Variants in DHRSX observed in about 807,000 individuals in gnomAD.
The protein encoded by DHRSX is dehydrogenase/reductase X-linked, also known as polyprenol dehydrogenase.
A neutral mutation model predicts 34.0 loss-of-function variants in DHRSX; 31 were observed. That is an observed-to-expected ratio of 0.91 (90% CI 0.69 to 1.23). DHRSX has a LOEUF of 1.23. Among genes scored for constraint, DHRSX ranks in the 50% most tolerant of loss-of-function variants. The pLI is 0.00. For missense variants in DHRSX, 414 were observed against 428.1 expected (o/e 0.97, Z 0.29); for synonymous variants, 201 against 183.8 (o/e 1.09, Z -0.76).
intron 5 of DHRSX, among the ~76,000 whole-genome samples, chrX:2,245,465 C>G (rs1393408653): frequency 1.3e-5 from 2 of 151,742 alleles, no homozygotes; most frequent in Admixed American, 6.6e-5. Flanking sequence ...CCCGCCACCA[C>G]GCCCGGCTAA....
chrX:2,483,289 T>C (rs573585249), intron 1 of DHRSX, among the ~76,000 whole-genome samples: 2 of 151,794 alleles, frequency 1.3e-5, no homozygotes, highest in Admixed American at 1.3e-4. Context: ...AGAGGCAGCA[T>C]CTCTTGCTTT....
chrX:2,398,897 G>C (rs758457859), intron 3 of DHRSX, among the ~76,000 whole-genome samples: 1 of 152,010 alleles, frequency 6.6e-6, no homozygotes, highest in Non-Finnish European at 1.5e-5. Flanking sequence ...CTGTCGCCCA[G>C]GCTGGAGTGC....
At chrX:2,222,441 A>G (rs2015541696) in intron 6 of DHRSX, among the ~76,000 whole-genome samples, 2 of 152,184 alleles carry the variant, frequency 1.3e-5, no homozygotes, top group South Asian at 2.1e-4. Context: ...CAACCAGGGA[A>G]TTGCTAGCAT....
intron 3 of DHRSX, among the ~76,000 whole-genome samples, chrX:2,297,964 C>G (rs1273372546): frequency 6.6e-6 from 1 of 151,940 alleles, no homozygotes; most frequent in Admixed American, 6.6e-5. Context: ...CCATGTTGGC[C>G]GGGCTGGTCT....
At chrX:2,312,740 C>G (rs762875978) in intron 3 of DHRSX, among the ~76,000 whole-genome samples, 1 of 152,166 alleles carries the variant, frequency 6.6e-6, no homozygotes, top group East Asian at 1.9e-4. Context: ...GAAACTCACA[C>G]CTCTACCCTA....
At chrX:2,322,568 A>G (rs1308987121) in intron 3 of DHRSX, among the ~76,000 whole-genome samples, 2 of 151,768 alleles carry the variant, frequency 1.3e-5, no homozygotes, top group Non-Finnish European at 2.9e-5. Flanking sequence ...AAAAAAAAAA[A>G]AAAGAATGAA....
chrX:2,446,436 A>C (rs1482886659), intron 1 of DHRSX, among the ~76,000 whole-genome samples: 2 of 150,040 alleles, frequency 1.3e-5, no homozygotes, highest in Admixed American at 6.6e-5. Context: ...GGCCCAAGGG[A>C]CGACAGCTGT....
At chrX:2,434,016 G>A (rs1166116878) in intron 1 of DHRSX, among the ~76,000 whole-genome samples, 1 of 152,022 alleles carries the variant, frequency 6.6e-6, no homozygotes, top group Non-Finnish European at 1.5e-5. Flanking sequence ...CTGATCTCGT[G>A]ATCCGCCCGC....
chrX:2,360,291 G>C (rs1435736134), intron 3 of DHRSX, among the ~76,000 whole-genome samples: 1 of 152,064 alleles, frequency 6.6e-6, no homozygotes, highest in East Asian at 1.9e-4. Context: ...CTATGCAAGA[G>C]GGTTATAATG....
At chrX:2,425,808 C>G (rs913804997) in intron 1 of DHRSX, among the ~76,000 whole-genome samples, 1 of 152,140 alleles carries the variant, frequency 6.6e-6, no homozygotes, top group African/African-American at 2.4e-5. Context: ...TGACACCACT[C>G]AGGACCACAC....
At chrX:2,384,096 G>A (rs1469591672) in intron 3 of DHRSX, among the ~76,000 whole-genome samples, 1 of 152,212 alleles carries the variant, frequency 6.6e-6, no homozygotes, top group Non-Finnish European at 1.5e-5. Context: ...GTGACCTGCT[G>A]TAGGGAGTGA....
chrX:2,316,797 A>C (rs1225324569), intron 3 of DHRSX, among the ~76,000 whole-genome samples: 1 of 152,158 alleles, frequency 6.6e-6, no homozygotes, highest in Non-Finnish European at 1.5e-5. Context: ...AAAATTCAAA[A>C]ACTTGCAACT....
chrX:2,350,037 GA>G (rs1339925779), intron 3 of DHRSX, among the ~76,000 whole-genome samples: 2 of 147,790 alleles, frequency 1.4e-5, no homozygotes, highest in Non-Finnish European at 3.0e-5. Context: ...TCTGTCTCAA[GA>G]AAAAAAATAA....
chrX:2,295,122 C>G (rs1422664230), intron 3 of DHRSX, among the ~76,000 whole-genome samples: 1 of 152,118 alleles, frequency 6.6e-6, no homozygotes, highest in Non-Finnish European at 1.5e-5. Context: ...GACACATGCA[C>G]ACATACGTTT....
At chrX:2,232,797 C>G (rs1264291842) in intron 6 of DHRSX, among the ~76,000 whole-genome samples, 2 of 151,984 alleles carry the variant, frequency 1.3e-5, no homozygotes, top group Admixed American at 6.6e-5. Context: ...TGGTCTCGAA[C>G]TCCTGACCTC....
At chrX:2,396,765 CTTT>C (rs71309495) in intron 3 of DHRSX, among the ~76,000 whole-genome samples, 12 of 128,166 alleles carry the variant, frequency 9.4e-5, no homozygotes, top group Non-Finnish European at 9.7e-5. Context: ...CTGTGTCTCC[CTTT>C]TTTTTTTTTT....
At chrX:2,326,522 C>CA (rs1417585570) in intron 3 of DHRSX, among the ~76,000 whole-genome samples, 1 of 151,778 alleles carries the variant, frequency 6.6e-6, no homozygotes, top group Non-Finnish European at 1.5e-5. Flanking sequence ...GACTCTGTCT[C>CA]AAAAAACAAC....
chrX:2,247,440 G>A (rs2016323473), intron 5 of DHRSX, among the ~76,000 whole-genome samples: 1 of 151,698 alleles, frequency 6.6e-6, no homozygotes, highest in African/African-American at 2.4e-5. Context: ...AGATCCCGAG[G>A]TCAGGAGATC....
At position 2,423,833 on chromosome X, in the gene DHRSX, A is replaced by C. The variant is rs139181549; in HGVS notation, c.217+1364T>G. 7.1e-3 allele frequency among the ~76,000 whole-genome samples: 1,088 copies of C among 152,218 alleles called. 8 individuals are homozygous for C. The highest frequency in any genetic ancestry group is 0.025 in the African/African-American group (1,044 of 41,496). ...GAAGGGAGACCTGAAGAGGTCACAGAGGAAGAGGAGTCAGAGATCACGATA... is the reference window on the plus strand; with the variant it reads ...GAAGGGAGACCTGAAGAGGTCACAGCGGAAGAGGAGTCAGAGATCACGATA... On this transcript the variant is annotated intron_variant, in intron 2 of 6. Transcript: ENST00000334651.
Sources: allele counts gnomAD v4.1 joint callset (sites outside exome capture counted in the v4.1 genomes callset), GRCh38; gene constraint gnomAD v4.1.1; transcripts MANE v1.5; gene names NCBI Gene and HGNC (gene_info 2026-07-23, HGNC 2026-07-21).